The following TMBIM6 variants were observed in gnomAD, a reference collection of about 807,000 sequenced individuals.
TMBIM6 encodes transmembrane BAX inhibitor motif containing 6.
TMBIM6 carries 13 observed loss-of-function variants against 31.4 expected under a neutral mutation model. That is an observed-to-expected ratio of 0.41 (90% CI 0.27 to 0.66). TMBIM6 has a LOEUF of 0.66. TMBIM6 is among the 30% of genes least tolerant of loss of function. The pLI, the probability that TMBIM6 is intolerant of heterozygous loss-of-function variation, is 0.28. For missense variants in TMBIM6, 275 were observed against 289.5 expected (o/e 0.95, Z 0.36); for synonymous variants, 85 against 101.7 (o/e 0.84, Z 0.99).
intron 8 of TMBIM6, 30 bp downstream of exon 8, chr12:49,759,351 A>C: frequency 6.3e-7 from 1 of 1,580,924 alleles, no homozygotes; most frequent in Non-Finnish European, 8.7e-7. Context: ...TTTAACAAGC[A>C]TGAAGGTTGA....
At position 49,755,497 on chromosome 12, in the gene TMBIM6, A is replaced by C; in HGVS notation, c.166-138A>C. On this transcript the variant is annotated intron_variant, in intron 3 of 9. Transcript: ENST00000267115. The stretch of plus-strand genomic sequence containing the variant: ...TCCTCAGCCCCATCCCTGAGAAAAC[A>C]CTACTTTTTCTCCTGCCTCCAGGTT... 4.6e-6 allele frequency: 5 copies of C among 1,075,326 alleles called. No homozygotes were observed. The South Asian group carries it at 6.2e-5, about 13-fold the overall frequency. The allele number at this position is 1,075,326 out of a possible 1,614,324, so 66.6% of individuals were successfully genotyped here. A position where few individuals can be genotyped will look rare whatever the true frequency, so the allele number is the denominator to read the frequency against.
In TMBIM6 at chr12:49,752,488, G is replaced by C; in HGVS notation, c.-6G>C. The C allele has an allele frequency of 6.2e-7, 1 of 1,613,070 alleles. No homozygotes were observed. The highest frequency in any genetic ancestry group is 8.5e-7 in the Non-Finnish European group (1 of 1,179,858). ...GAGTGGAGACTGCTGCACGGACTCT[G>C]GAACCATGAACATATTTGATCGAAA... On this transcript the variant is annotated 5_prime_UTR_variant, in exon 2 of 10. Transcript: ENST00000267115.
chr12:49,745,208 C>T (rs185569371), intron 1 of TMBIM6, among the ~76,000 whole-genome samples: 1 of 151,638 alleles, frequency 6.6e-6, no homozygotes, highest in African/African-American at 2.4e-5. Context: ...CAAGCTTTTG[C>T]GCATTTACTT....
intron 9 of TMBIM6, 75 bp from the exon 10 acceptor site, chr12:49,762,798 A>C: frequency 7.1e-7 from 1 of 1,409,666 alleles, no homozygotes; most frequent in Non-Finnish European, 1.0e-6. Flanking sequence ...GTCCCTAACT[A>C]AATGCTCACT....
chr12:49,744,309 G>T (rs1229932724), intron 1 of TMBIM6: 1 of 152,114 alleles, frequency 6.6e-6, no homozygotes, highest in Non-Finnish European at 1.5e-5. Flanking sequence ...AGAAACCATT[G>T]AATATTCTGA....
At chr12:49,762,788 G>T in intron 9 of TMBIM6, 85 bp from the exon 10 acceptor site, 6 of 1,275,126 alleles carry the variant, frequency 4.7e-6, no homozygotes, top group Non-Finnish European at 6.8e-6. Flanking sequence ...CTCACTTCTA[G>T]TCCCTAACTA....
intron 4 of TMBIM6, among the ~76,000 whole-genome samples, chr12:49,757,761 C>T (rs952406586): frequency 2.6e-5 from 4 of 152,198 alleles, no homozygotes; most frequent in Non-Finnish European, 5.9e-5. Flanking sequence ...AGGTTGCCCT[C>T]CTGTTGGCAG....
chr12:49,759,542 C>A (rs993990114), intron 8 of TMBIM6, among the ~76,000 whole-genome samples: 1 of 152,162 alleles, frequency 6.6e-6, no homozygotes, highest in Non-Finnish European at 1.5e-5. Flanking sequence ...TGGTGGCTCA[C>A]ACCTATAATC....
At chr12:49,761,974 T>A (rs1945728386) in intron 9 of TMBIM6, 195 bp downstream of exon 9, 5 of 554,010 alleles carry the variant, frequency 9.0e-6, no homozygotes, top group East Asian at 3.1e-5. Flanking sequence ...AAAATTTTTT[T>A]AACTAATTCC....
intron 7 of TMBIM6, 56 bp downstream of exon 7, chr12:49,758,818 C>CTTTTTTTTTTTTT (rs57007895): frequency 2.6e-6 from 3 of 1,161,868 alleles, no homozygotes; most frequent in Non-Finnish European, 2.4e-6. Context: ...TCTTTCTTTC[C>CTTTTTTTTTTTTT]TTTTTTTTTT....
rs757775362 is a variant in TMBIM6 at position 49,758,456 on chromosome 12, C to T, written c.409C>T (p.Arg137Cys). ...CFTLSALYAR[R>C]RSYLFLGGIL... ...CACCCTCAGTGCACTCTATGCCAGG[C>T]GCCGTAGCTACCTCTTTCTGGGAGG... The change falls in exon 6 of 10, where the codon CGC becomes TGC. Residue 137 changes from arginine to cysteine, a missense_variant. Arg to Cys is a radical substitution (Grantham distance 180). Transcript: ENST00000267115. 1.9e-5 allele frequency: 30 copies of T among 1,614,082 alleles called. No homozygotes were observed. The South Asian group carries it at 1.9e-4, about 10-fold the overall frequency.
intron 4 of TMBIM6, 82 bp downstream of exon 4, chr12:49,755,837 CTTTTTTTTTT>C: frequency 2.7e-6 from 3 of 1,125,166 alleles, no homozygotes; most frequent in Non-Finnish European, 3.6e-6. Context: ...CTTTTTTTTT[CTTTTTTTTTT>C]TTTTGAGACA....
chr12:49,747,615 CTTTT>C (rs1262368105), intron 1 of TMBIM6, among the ~76,000 whole-genome samples: 1 of 152,112 alleles, frequency 6.6e-6, no homozygotes, highest in African/African-American at 2.4e-5. Flanking sequence ...GGCCTTTTTC[CTTTT>C]TTGTTTTTTG....
At chr12:49,752,852 C>T in intron 2 of TMBIM6, 121 bp from the exon 3 acceptor site, 1 of 950,118 alleles carries the variant, frequency 1.1e-6, no homozygotes, top group Non-Finnish European at 1.6e-6. Flanking sequence ...AAAAGTATTT[C>T]AAACTATTTG....
chr12:49,759,039 T>C (rs984743128), intron 7 of TMBIM6, 182 bp from the exon 8 acceptor site: 5 of 634,550 alleles, frequency 7.9e-6, no homozygotes, highest in African/African-American at 1.8e-5. Flanking sequence ...CAGTGACCAG[T>C]GCAGTATTGT....
chr12:49,763,109 A>C lies in TMBIM6; in HGVS notation c.*213A>C, dbSNP rs1381991826. The stretch of plus-strand genomic sequence containing the variant: ...GCTTCATCTTCCTGGGGTTCCCCTC[A>C]CTCCCTTTTTTGTCAACCCCATCTG... On this transcript the variant is annotated 3_prime_UTR_variant, in exon 10 of 10. Transcript: ENST00000267115. 1 of 442,874 alleles carries C rather than the reference A, an allele frequency of 2.3e-6. No homozygotes were observed. The highest frequency in any genetic ancestry group is 3.9e-6 in the Non-Finnish European group (1 of 253,892). The allele number at this position is 442,874 out of a possible 1,614,324, so 27.4% of individuals were successfully genotyped here. A position where few individuals can be genotyped will look rare whatever the true frequency, so the allele number is the denominator to read the frequency against.
chr12:49,757,213 A>G (rs1035276981), intron 4 of TMBIM6, among the ~76,000 whole-genome samples: 2 of 152,128 alleles, frequency 1.3e-5, no homozygotes, highest in African/African-American at 4.8e-5. Flanking sequence ...TTGTTTCCCC[A>G]TCCATTAGGG....
chr12:49,750,775 T>C (rs1159446350), intron 1 of TMBIM6: 1 of 152,224 alleles, frequency 6.6e-6, no homozygotes, highest in East Asian at 1.9e-4. Flanking sequence ...TGTGATTGTT[T>C]CATTTGTGGG....
chr12:49,741,575 G>A lies in TMBIM6; in HGVS notation c.-67G>A, dbSNP rs1480833729. On this transcript the variant is annotated 5_prime_UTR_variant, in exon 1 of 10. Transcript: ENST00000267115. The stretch of plus-strand genomic sequence containing the variant: ...GCGAGTCAGAGCACATCCGGTGTTA[G>A]AAGCGCTGGTAGGCCTTGGAGAGGC... 6.4e-6 allele frequency: 1 copy of A among 157,112 alleles called. No individual in the cohort carries two copies. Among genetic ancestry groups the A allele is most frequent in the Non-Finnish European group, 1.4e-5 (1 of 70,326 alleles). The allele number at this position is 157,112 out of a possible 1,614,324, so 9.7% of individuals were successfully genotyped here. A position where few individuals can be genotyped will look rare whatever the true frequency, so the allele number is the denominator to read the frequency against.
Sources: gnomAD v4.1 joint callset for allele counts (sites outside exome capture counted in the v4.1 genomes callset) on GRCh38, gnomAD v4.1.1 for gene constraint, MANE v1.5 for transcripts, NCBI Gene and HGNC (gene_info 2026-07-23, HGNC 2026-07-21) for gene names.